Variants in ZNF850 observed in about 807,000 individuals in gnomAD.
ZNF850 encodes the protein putative zinc finger protein ENSP00000330994.
A neutral mutation model predicts 11.9 loss-of-function variants in ZNF850; 2 were observed. The ratio of observed to expected loss-of-function variants is 0.17; its 90% CI spans 0.07 to 0.53. The LOEUF (loss-of-function observed/expected upper bound fraction) is 0.53. Ranked by LOEUF, ZNF850 falls within the 20% of genes least tolerant of loss-of-function variation. The pLI is 0.94. For missense variants in ZNF850, 1,014 were observed against 1,316.4 expected, an observed-to-expected ratio of 0.77 and a Z score of 3.55; for synonymous variants, 381 against 443.0, an observed-to-expected ratio of 0.86 and a Z score of 1.76.
chr19:36,769,272 AAAAAAAAGAAAG>A (rs1177335173), intron 1 of ZNF850, among the ~76,000 whole-genome samples: 1 of 123,312 alleles, frequency 8.1e-6, no homozygotes, highest in African/African-American at 3.3e-5. Flanking sequence ...AAAAAAAAAA[AAAAAAAAGAAAG>A]AAAGAAAGAA....
rs1395173493 is a variant in ZNF850 at position 36,748,598 on chromosome 19, A to G, written c.2442T>C (p.His814=). 2 of 1,536,740 alleles carry G rather than the reference A, an allele frequency of 1.3e-6. No individual in the cohort carries two copies. The highest frequency in any genetic ancestry group is 1.7e-6 in the Non-Finnish European group (2 of 1,146,814). ...QPLHTGEKPY[H]CKECGKSFTL... is the part of the protein sequence containing the mutation. Reference sequence around the variant, plus strand: ...TAAAAGATTTCCCACATTCCTTGCAATGATAAGGTTTCTCACCAGTGTGAA... The same window carrying G: ...TAAAAGATTTCCCACATTCCTTGCAGTGATAAGGTTTCTCACCAGTGTGAA... The change falls in exon 5 of 5, where the codon CAT becomes CAC. Residue 814 remains histidine, a synonymous_variant. Coordinates refer to ENST00000591344, the MANE Select transcript of ZNF850 (RefSeq NM_001193552.2).
intron 1 of ZNF850, among the ~76,000 whole-genome samples, chr19:36,771,439 G>T (rs1460861394): frequency 3.3e-5 from 5 of 151,484 alleles, no homozygotes. Flanking sequence ...GGGCTGAAGT[G>T]AAAGTTTGGC....
intron 4 of ZNF850, among the ~76,000 whole-genome samples, chr19:36,761,166 G>A (rs1349509962): frequency 6.6e-6 from 1 of 151,908 alleles, no homozygotes; most frequent in East Asian, 1.9e-4. Context: ...TTGGCCAGGC[G>A]CAGTGGCTCA....
rs1490929384 is a variant in ZNF850, at chr19:36,750,778, C to T, written c.262G>A (p.Asp88Asn). 3.3e-6 allele frequency: 5 copies of T among 1,523,172 alleles called. No individual in the cohort carries two copies. Among genetic ancestry groups the T allele is most frequent in the Non-Finnish European group, 4.4e-6 (5 of 1,139,626 alleles). The allele number at this position is 1,523,172 out of a possible 1,614,324, so 94.4% of individuals were successfully genotyped here. ...TAGATTTCTTTTGGCAAACATGAAT[C>T]TTTGGTCTTACATCTAAACTCCGAG... is the stretch of plus-strand genomic sequence containing the variant. ...RDSEFRCKTKDSCLPKEIYEV... is the reference protein window; with the variant it reads ...RDSEFRCKTKNSCLPKEIYEV... Residue 88 changes from aspartate to asparagine, a missense_variant, in exon 5 of 5, where the codon GAT (aspartate) becomes AAT (asparagine). Transcript: ENST00000591344.
chr19:36,769,276 AAAAGAAAG>A (rs754621260), intron 1 of ZNF850, among the ~76,000 whole-genome samples: 29,609 of 110,926 alleles, frequency 0.27, 4,718 homozygotes, highest in African/African-American at 0.31. Flanking sequence ...AAAAAAAAAA[AAAAGAAAG>A]AAAGAAAGAA....
intron 4 of ZNF850, among the ~76,000 whole-genome samples, chr19:36,755,207 G>A (rs1172509805): frequency 6.6e-6 from 1 of 152,098 alleles, no homozygotes; most frequent in Non-Finnish European, 1.5e-5. Context: ...GGTTAAAAAT[G>A]GCATCATGCA....
Position 36,749,610 on chromosome 19 carries a change from T to C in ZNF850, c.1430A>G (p.Tyr477Cys), listed in dbSNP as rs191813843. The change falls in exon 5 of 5, where the codon TAT becomes TGT. Residue 477 changes from tyrosine (Y) to cysteine (C), a missense_variant. This residue lies in a region of ZNF850 where 835 missense variants were observed against 1,022.0 expected (regional missense o/e 0.82). Transcript: ENST00000591344. The part of the protein sequence containing the change: ...HQRIHTGEKP[Y>C]CCKECGKSFT... Reference sequence around the variant, plus strand: ...AGATTTTCCACATTCCTTACAACAATAGGGTTTCTCACCAGTGTGAATCCG... The same window carrying C: ...AGATTTTCCACATTCCTTACAACAACAGGGTTTCTCACCAGTGTGAATCCG... 24 of 1,551,070 alleles carry C rather than the reference T, an allele frequency of 1.5e-5. No homozygotes were observed. The Admixed American group carries it at 1.7e-4, about 11-fold the overall frequency.
chr19:36,756,991 G>C (rs2145961584), intron 4 of ZNF850, among the ~76,000 whole-genome samples: 1 of 152,286 alleles, frequency 6.6e-6, no homozygotes, highest in Non-Finnish European at 1.5e-5. Flanking sequence ...ATCAGAATTA[G>C]CTACTTCTTT....
At chr19:36,750,827 A>G in intron 4 of ZNF850, 23 bp from the exon 5 acceptor site, 1 of 1,476,056 alleles carries the variant, frequency 6.8e-7, no homozygotes, top group African/African-American at 1.4e-5. Flanking sequence ...CAGAAAGCAA[A>G]AACATAGCAT....
intron 1 of ZNF850, among the ~76,000 whole-genome samples, chr19:36,770,544 AC>A (rs1448150861): frequency 4.6e-5 from 7 of 151,832 alleles, no homozygotes; most frequent in African/African-American, 1.5e-4. Flanking sequence ...ACTAAAAAAA[AC>A]AAATACAAAA....
At chr19:36,753,889 C>A (rs1254947232) in intron 4 of ZNF850, among the ~76,000 whole-genome samples, 2 of 152,046 alleles carry the variant, frequency 1.3e-5, no homozygotes, top group African/African-American at 4.8e-5. Context: ...ACTTCCAAAT[C>A]AGTGGAATCG....
At position 36,746,753 on chromosome 19, in the gene ZNF850, T is replaced by TACTTA. The variant is rs2040413708; in HGVS notation, c.*1013_*1014insTAAGT. The stretch of plus-strand genomic sequence containing the variant: ...CAGCAAGGACTTTCTTAGCCACCTT[T>TACTTA]GCAGTTATGGGCTAAAGTAGACAGG... On this transcript the variant is annotated 3_prime_UTR_variant, in exon 5 of 5. Coordinates refer to ENST00000591344, the MANE Select transcript of ZNF850 (RefSeq NM_001193552.2). 6.6e-6 allele frequency: 1 copy of TACTTA among 152,214 alleles called. No individual in the cohort carries two copies. The highest frequency in any genetic ancestry group is 2.4e-5 in the African/African-American group (1 of 41,450). The allele number at this position is 152,214 out of a possible 1,614,324, so 9.4% of individuals were successfully genotyped here.
In ZNF850 at chr19:36,770,703, CAAAAAAAAAAAAAAAAAAAAAA is replaced by C. The variant is rs567709722; in HGVS notation, c.-70+2000_-70+2021del. Among the ~76,000 whole-genome samples, 45 of 66,614 alleles carry C rather than the reference CAAAAAAAAAAAAAAAAAAAAAA, an allele frequency of 6.8e-4. No homozygotes were observed. The East Asian group carries it at 0.019, about 28-fold the overall frequency. 43.7% of individuals were successfully genotyped at this position (66,614 alleles called of 152,430 possible). ...TCTGGGCGACAGAGAGAGACTCCAT[CAAAAAAAAAAAAAAAAAAAAAA>C]AAAAAAAAAAAAAGCCAGCACTTAA... On this transcript the variant is annotated intron_variant, in intron 1 of 4. Transcript: ENST00000591344.
rs548125891 is a variant in ZNF850, at chr19:36,759,044, C to T, written c.235+2599G>A. On this transcript the variant is annotated intron_variant, in intron 4 of 4. Coordinates refer to ENST00000591344, the MANE Select transcript of ZNF850 (RefSeq NM_001193552.2). Reference sequence around the variant, plus strand: ...GTTGCAGTCAGCCAAGATCGTGCCACAGCACTCCAGCCTGGCAACAGAGCA... The same window carrying T: ...GTTGCAGTCAGCCAAGATCGTGCCATAGCACTCCAGCCTGGCAACAGAGCA... 5.3e-5 allele frequency among the ~76,000 whole-genome samples: 8 copies of T among 151,114 alleles called. No homozygotes were observed. In the South Asian group the frequency reaches 1.7e-3, roughly 32 times the overall value.
At chr19:36,761,902 T>C (rs2040520619) in intron 3 of ZNF850, among the ~76,000 whole-genome samples, 164 bp from the exon 4 acceptor site, 1 of 151,680 alleles carries the variant, frequency 6.6e-6, no homozygotes, top group Non-Finnish European at 1.5e-5. Context: ...AAAAATTGGC[T>C]GGGCATGGTG....
At chr19:36,757,609 C>T (rs1367650747) in intron 4 of ZNF850, among the ~76,000 whole-genome samples, 3 of 148,434 alleles carry the variant, frequency 2.0e-5, no homozygotes, top group East Asian at 2.0e-4. Context: ...TGGGTTCAAG[C>T]GATTCTCCAT....
At chr19:36,756,608 A>C (rs2040487980) in intron 4 of ZNF850, among the ~76,000 whole-genome samples, 1 of 152,064 alleles carries the variant, frequency 6.6e-6, no homozygotes, top group African/African-American at 2.4e-5. Flanking sequence ...GATATACCAT[A>C]ATGTCACATT....
intron 4 of ZNF850, among the ~76,000 whole-genome samples, chr19:36,751,166 T>C (rs963689631): frequency 2.0e-5 from 3 of 151,934 alleles, no homozygotes; most frequent in South Asian, 2.1e-4. Flanking sequence ...TTTATCTCTG[T>C]GATCTTCCTT....
rs1316107108 is a variant in ZNF850 at position 36,747,461 on chromosome 19, C to A, written c.*306G>T. 2 of 219,626 alleles carry A rather than the reference C, an allele frequency of 9.1e-6. No individual in the cohort carries two copies. Among genetic ancestry groups the A allele is most frequent in the Non-Finnish European group, 1.8e-5 (2 of 109,858 alleles). 13.6% of individuals were successfully genotyped at this position (219,626 alleles called of 1,614,324 possible). On this transcript the variant is annotated 3_prime_UTR_variant, in exon 5 of 5. Coordinates refer to ENST00000591344, the MANE Select transcript of ZNF850 (RefSeq NM_001193552.2). ...TGGCTAACACAGTGAAACCCTGTCTCTACTAAAAATACAAAAACAAAAAAA... is the reference window on the plus strand; with the variant it reads ...TGGCTAACACAGTGAAACCCTGTCTATACTAAAAATACAAAAACAAAAAAA...
Sources: allele counts gnomAD v4.1 joint callset (sites outside exome capture counted in the v4.1 genomes callset), GRCh38; gene constraint gnomAD v4.1.1; regional missense constraint gnomAD v4.1.1; transcripts MANE v1.5; gene names NCBI Gene and HGNC (gene_info 2026-07-23, HGNC 2026-07-21).